The following PLA2R1 variants were observed in gnomAD, a reference collection of about 807,000 sequenced individuals.
PLA2R1 encodes phospholipase A2 receptor 1.
In PLA2R1, 158 loss-of-function variants were observed where a neutral mutation model predicts 195.9. The ratio of observed to expected loss-of-function variants is 0.81; its 90% CI spans 0.71 to 0.92. The LOEUF is 0.92. Among genes scored for constraint, PLA2R1 ranks in the 40% least tolerant of loss-of-function variants. PLA2R1 has a pLI of 0.00. For synonymous variants in PLA2R1, 586 were observed against 598.2 expected, an observed-to-expected ratio of 0.98 and a Z score of 0.30; for missense variants, 1,626 against 1,764.6, an observed-to-expected ratio of 0.92 and a Z score of 1.41.
intron 1 of PLA2R1, among the ~76,000 whole-genome samples, chr2:160,048,106 T>G (rs577296718): frequency 1.1e-4 from 17 of 152,350 alleles, no homozygotes; most frequent in African/African-American, 3.8e-4. Flanking sequence ...GTGCTGGGAC[T>G]ACAGGTGTGA....
chr2:159,955,326 A>G lies in PLA2R1; in HGVS notation c.3174T>C (p.Thr1058=), dbSNP rs371715695. 3 of 1,599,608 alleles carry G rather than the reference A, an allele frequency of 1.9e-6. No individual in the cohort carries two copies. In the African/African-American group the frequency reaches 4.0e-5, roughly 21 times the overall value. Residue 1058 remains threonine (T), a synonymous_variant, in exon 23 of 30, where the codon ACT becomes ACC. Transcript: ENST00000283243. ...AGAGAGGAATGTGTTTCTGAACTTC[A>G]GTGGTATTGTGACTTGGAATCTTTA... The part of the protein sequence containing the change: ...DIINIPSHNT[T]EVQKHIPLCA...
intron 28 of PLA2R1, among the ~76,000 whole-genome samples, chr2:159,944,386 C>G (rs1406233847): frequency 1.3e-5 from 2 of 152,092 alleles, no homozygotes; most frequent in African/African-American, 4.8e-5. Context: ...AATTTTCTAG[C>G]TTAGATTTCT....
At chr2:159,961,486 C>G (rs76359642) in intron 20 of PLA2R1, among the ~76,000 whole-genome samples, 5,916 of 152,260 alleles carry the variant, frequency 0.039, 358 homozygotes, top group African/African-American at 0.13. Flanking sequence ...AAAAAGCTCA[C>G]CTGCTGATTC....
intron 12 of PLA2R1, among the ~76,000 whole-genome samples, chr2:159,985,716 T>C (rs1233913105): frequency 6.6e-6 from 1 of 152,200 alleles, no homozygotes; most frequent in Non-Finnish European, 1.5e-5. Context: ...TTACAAACAA[T>C]ATGAAATTAT....
chr2:160,039,616 A>T (rs1694396218), intron 3 of PLA2R1, among the ~76,000 whole-genome samples: 1 of 152,128 alleles, frequency 6.6e-6, no homozygotes, highest in Non-Finnish European at 1.5e-5. Flanking sequence ...GACCCCATGG[A>T]AAGAGCTATC....
Position 160,042,009 on chromosome 2 carries a change from C to A in PLA2R1, c.667+16G>T. The A allele has an allele frequency of 1.9e-6, 3 of 1,603,202 alleles. No homozygotes were observed. Among genetic ancestry groups the A allele is most frequent in the South Asian group, 1.1e-5 (1 of 90,384 alleles). On this transcript the variant is annotated intron_variant, in intron 3 of 29. Transcript: ENST00000283243. ...ATTCATTCATGACATATAGAGAAGA[C>A]AAAATTTATTCTTACTGGGATCAGG...
intron 28 of PLA2R1, among the ~76,000 whole-genome samples, chr2:159,942,961 A>G (rs1574636038): frequency 6.7e-6 from 1 of 150,190 alleles, no homozygotes; most frequent in Non-Finnish European, 1.5e-5. Flanking sequence ...TACTTTTAAA[A>G]CCAGACTTGT....
rs184557964 is a variant in PLA2R1 at position 160,059,084 on chromosome 2, C to T, written c.109+3211G>A. Among the ~76,000 whole-genome samples the T allele has an allele frequency of 3.6e-3, 550 of 152,278 alleles. 5 individuals are homozygous for T. The highest frequency in any genetic ancestry group is 0.012 in the African/African-American group (516 of 41,558). On this transcript the variant is annotated intron_variant, in intron 1 of 29. Transcript: ENST00000283243. ...AGGAGCTCGCAACCTAGATCTCTCACATGCACAGTTCACAATAGGGTTTAT... is the reference window on the plus strand; with the variant it reads ...AGGAGCTCGCAACCTAGATCTCTCATATGCACAGTTCACAATAGGGTTTAT...
chr2:160,032,845 A>C (rs1693940822), intron 4 of PLA2R1, 114 bp downstream of exon 4: 1 of 905,940 alleles, frequency 1.1e-6, no homozygotes, highest in Admixed American at 2.5e-5. Context: ...CATATTATGG[A>C]AAGAAAAATA....
chr2:159,961,786 A>T (rs1322008342), intron 20 of PLA2R1, among the ~76,000 whole-genome samples: 2 of 152,188 alleles, frequency 1.3e-5, no homozygotes, highest in East Asian at 3.8e-4. Context: ...ATGGAGGTGA[A>T]CTGTGTGGGT....
the PLA2R1 span, among the ~76,000 whole-genome samples, chr2:159,926,296 G>A: frequency 6.6e-6 from 1 of 152,092 alleles, no homozygotes; most frequent in Non-Finnish European, 1.5e-5. Context: ...ACTGTGTTTT[G>A]GAAAGGCGAT....
At chr2:160,005,894 A>C in intron 10 of PLA2R1, 73 bp from the exon 11 acceptor site, 1 of 1,011,580 alleles carries the variant, frequency 9.9e-7, no homozygotes, top group Non-Finnish European at 1.5e-6. Flanking sequence ...AGCATAATGA[A>C]GTGCACAGAA....
intron 11 of PLA2R1, among the ~76,000 whole-genome samples, chr2:160,000,087 GGA>G (rs1436813149): frequency 2.0e-5 from 3 of 152,082 alleles, no homozygotes; most frequent in Admixed American, 6.6e-5. Context: ...TTCCAATTCT[GGA>G]GACCTTGAGC....
chr2:160,036,894 G>A (rs989768226), intron 3 of PLA2R1, among the ~76,000 whole-genome samples: 1 of 127,198 alleles, frequency 7.9e-6, no homozygotes, highest in African/African-American at 2.5e-5. Context: ...GGGAAAAATG[G>A]AACGGGGGAG....
At chr2:159,997,822 T>C (rs1313452304) in intron 11 of PLA2R1, among the ~76,000 whole-genome samples, 1 of 152,150 alleles carries the variant, frequency 6.6e-6, no homozygotes, top group African/African-American at 2.4e-5. Flanking sequence ...AGAAGAGTTG[T>C]TGATTTTTCA....
intron 17 of PLA2R1, among the ~76,000 whole-genome samples, chr2:159,970,939 C>G (rs1689118589): frequency 2.3e-5 from 1 of 42,850 alleles, no homozygotes; most frequent in African/African-American, 9.6e-5. Flanking sequence ...ACATCACACA[C>G]TGGGGCCTGT....
intron 9 of PLA2R1, among the ~76,000 whole-genome samples, chr2:160,015,079 G>T (rs1373349970): frequency 6.6e-6 from 1 of 152,150 alleles, no homozygotes; most frequent in African/African-American, 2.4e-5. Flanking sequence ...CAGAAACACA[G>T]ACTTGTTACT....
At chr2:159,998,920 A>G (rs1436727842) in intron 11 of PLA2R1, among the ~76,000 whole-genome samples, 1 of 152,112 alleles carries the variant, frequency 6.6e-6, no homozygotes, top group African/African-American at 2.4e-5. Context: ...AACACTCACC[A>G]CACATTTTCC....
intron 11 of PLA2R1, among the ~76,000 whole-genome samples, chr2:159,990,708 G>A (rs542460795): frequency 3.0e-4 from 45 of 152,308 alleles, no homozygotes; most frequent in African/African-American, 9.4e-4. Flanking sequence ...CACTGTGCTA[G>A]GCAATTTATA....
Sources: gnomAD v4.1 joint callset for allele counts (sites outside exome capture counted in the v4.1 genomes callset) on GRCh38, gnomAD v4.1.1 for gene constraint, MANE v1.5 for transcripts, NCBI Gene and HGNC (gene_info 2026-07-23, HGNC 2026-07-21) for gene names.